TNS3: variants seen among roughly 807,000 people sequenced by gnomAD.
TNS3 encodes the protein tensin 3.
In TNS3, 45 loss-of-function variants were observed where a neutral mutation model predicts 140.9. That is an observed-to-expected ratio of 0.32 (90% CI 0.25 to 0.41). The LOEUF is 0.41. TNS3 is among the 10% of genes least tolerant of loss of function. TNS3 has a pLI of 1.00. For missense variants in TNS3, 1,716 were observed against 1,906.7 expected (o/e 0.90, Z 1.86); for synonymous variants, 815 against 788.4 (o/e 1.03, Z -0.56).
At position 47,437,267 on chromosome 7, in the gene TNS3, G is replaced by A; in HGVS notation, c.197C>T (p.Pro66Leu). The A allele has an allele frequency of 6.4e-7, 1 of 1,558,558 alleles. No individual in the cohort carries two copies. The highest frequency in any genetic ancestry group is 8.6e-7 in the Non-Finnish European group (1 of 1,159,240). The change falls in exon 7 of 31, where the codon CCA (proline) becomes CTA (leucine). Residue 66 changes from proline (P) to leucine (L), a missense_variant. Physicochemically the swap from Pro to Leu is moderately conservative, Grantham distance 98. This residue lies in a region of TNS3 where 337 missense variants were observed against 428.9 expected (regional missense o/e 0.79). Coordinates refer to ENST00000311160, the MANE Select transcript of TNS3 (RefSeq NM_022748.12). ...ATAAAGGGATGAACTCTGTACCTTT[G>A]GGTTAAGCTTCGTAAGGTCATATCT... The part of the protein sequence containing the change: ...EKRYDLTKLN[P>L]KIMDVGWPEL...
chr7:47,467,803 G>A (rs1040160869), intron 4 of TNS3, among the ~76,000 whole-genome samples: 1 of 152,198 alleles, frequency 6.6e-6, no homozygotes, highest in African/African-American at 2.4e-5. Context: ...ATGTATAACA[G>A]GAGGGGCCTG....
At chr7:47,518,288 C>G (rs1399807076) in intron 2 of TNS3, among the ~76,000 whole-genome samples, 1 of 152,144 alleles carries the variant, frequency 6.6e-6, no homozygotes, top group Non-Finnish European at 1.5e-5. Flanking sequence ...CCGTGTGGCA[C>G]AGGTAGGATT....
At chr7:47,361,526 T>C in intron 17 of TNS3, among the ~76,000 whole-genome samples, 1 of 152,214 alleles carries the variant, frequency 6.6e-6, no homozygotes, top group East Asian at 1.9e-4. Flanking sequence ...TGTCTCCACT[T>C]TGTGAGGCTG....
chr7:47,433,771 A>G (rs1795036843), intron 8 of TNS3, among the ~76,000 whole-genome samples: 1 of 152,240 alleles, frequency 6.6e-6, no homozygotes, highest in Non-Finnish European at 1.5e-5. Context: ...ATCCTGGGCA[A>G]TGATGATCCA....
chr7:47,379,331 A>G (rs1408777830), intron 16 of TNS3, among the ~76,000 whole-genome samples: 1 of 152,212 alleles, frequency 6.6e-6, no homozygotes, highest in East Asian at 1.9e-4. Context: ...CCATGTGGAC[A>G]TTTATAATTA....
chr7:47,475,046 G>A (rs1484036325), intron 4 of TNS3, among the ~76,000 whole-genome samples: 1 of 148,292 alleles, frequency 6.7e-6, no homozygotes, highest in Admixed American at 6.7e-5. Context: ...ACAGACAACA[G>A]ACAACTCACA....
chr7:47,325,912 G>A (rs960295518), intron 20 of TNS3, among the ~76,000 whole-genome samples: 2 of 152,166 alleles, frequency 1.3e-5, no homozygotes, highest in African/African-American at 4.8e-5. Context: ...GTCAAAGTGC[G>A]CAGCAGTTAG....
chr7:47,304,758 T>A (rs982474357), intron 21 of TNS3, 74 bp downstream of exon 21: 3 of 1,297,790 alleles, frequency 2.3e-6, no homozygotes, highest in Non-Finnish European at 9.9e-7. Context: ...AAGCCCCCGC[T>A]GGTCCCACAT....
intron 17 of TNS3, among the ~76,000 whole-genome samples, chr7:47,363,311 C>T (rs1298190848): frequency 6.6e-6 from 1 of 150,422 alleles, no homozygotes; most frequent in African/African-American, 2.4e-5. Context: ...ATCATCATCA[C>T]CATCACCATC....
intron 24 of TNS3, among the ~76,000 whole-genome samples, chr7:47,295,026 C>G (rs937363827): frequency 6.6e-6 from 1 of 152,102 alleles, no homozygotes; most frequent in African/African-American, 2.4e-5. Flanking sequence ...CTCTTTATGA[C>G]CTGGTAAACT....
At chr7:47,370,716 G>A (rs561540016) in intron 16 of TNS3, among the ~76,000 whole-genome samples, 81 of 152,288 alleles carry the variant, frequency 5.3e-4, no homozygotes, top group African/African-American at 1.9e-3. Context: ...CTACTTCCTC[G>A]ACTGTGAAAT....
chr7:47,275,839 T>G lies in TNS3; in HGVS notation c.*2237A>C. On this transcript the variant is annotated 3_prime_UTR_variant, in exon 31 of 31. Transcript: ENST00000311160. ...CGTTTGCAGGGCTTCCTGAATGCCGTCGAGGCATGGCTTCATGAGGGCCAT... is the reference window on the plus strand; with the variant it reads ...CGTTTGCAGGGCTTCCTGAATGCCGGCGAGGCATGGCTTCATGAGGGCCAT... The G allele has an allele frequency of 2.2e-6, 1 of 456,038 alleles. No homozygotes were observed. The highest frequency in any genetic ancestry group is 1.5e-5 in the South Asian group (1 of 64,554). 28.2% of individuals were successfully genotyped at this position (456,038 alleles called of 1,614,324 possible). A position where few individuals can be genotyped will look rare whatever the true frequency, so the allele number is the denominator to read the frequency against.
intron 3 of TNS3, among the ~76,000 whole-genome samples, chr7:47,483,025 C>G (rs1797479484): frequency 6.6e-6 from 1 of 152,296 alleles, no homozygotes; most frequent in South Asian, 2.1e-4. Flanking sequence ...TCTAAACCCA[C>G]AGAATGTACA....
At chr7:47,434,788 A>T (rs1369330692) in intron 8 of TNS3, among the ~76,000 whole-genome samples, 1 of 152,216 alleles carries the variant, frequency 6.6e-6, no homozygotes, top group African/African-American at 2.4e-5. Context: ...CTCTGTGAAG[A>T]TGTACAGGCC....
At chr7:47,545,767 C>A (rs1799904067) in intron 1 of TNS3, among the ~76,000 whole-genome samples, 1 of 152,194 alleles carries the variant, frequency 6.6e-6, no homozygotes, top group Admixed American at 6.5e-5. Context: ...ACCACTGGAC[C>A]ACATCTGGAA....
At position 47,299,216 on chromosome 7, in the gene TNS3, C is replaced by A. The variant is rs532774066; in HGVS notation, c.3545-2003G>T. ...ACAGTGACACAATCATAGCTCACTG[C>A]AGCCTCAACCTGCTGGGCCCAAGTG... On this transcript the variant is annotated intron_variant, in intron 23 of 30. Coordinates refer to ENST00000311160, the MANE Select transcript of TNS3 (RefSeq NM_022748.12). 1.1e-3 allele frequency among the ~76,000 whole-genome samples: 174 copies of A among 152,324 alleles called. 1 individual carries two copies. Among genetic ancestry groups the A allele is most frequent in the African/African-American group, 3.9e-3 (164 of 41,572 alleles).
intron 6 of TNS3, among the ~76,000 whole-genome samples, chr7:47,437,941 G>T (rs1056853946): frequency 6.6e-6 from 1 of 151,092 alleles, no homozygotes; most frequent in East Asian, 1.9e-4. Flanking sequence ...GCCTGGAAAG[G>T]GCTGAGTTCA....
Position 47,542,165 on chromosome 7 carries a change from T to A in TNS3, c.-264-13018A>T, listed in dbSNP as rs1435229150. Among the ~76,000 whole-genome samples the A allele has an allele frequency of 2.0e-5, 3 of 152,020 alleles. No individual in the cohort carries two copies. The East Asian group carries it at 5.8e-4, about 29-fold the overall frequency. ...TCTAAATACTTTCCTTTATTTACTA[T>A]AAAAGGGAAAAGAGTAAGTCAACAA... On this transcript the variant is annotated intron_variant, in intron 1 of 30. Transcript: ENST00000311160.
intron 20 of TNS3, among the ~76,000 whole-genome samples, chr7:47,318,495 G>A (rs776667222): frequency 8.5e-5 from 13 of 152,214 alleles, no homozygotes; most frequent in Admixed American, 6.5e-5. Context: ...TCCAGTGGGA[G>A]TGCAAACAGA....
Sources: allele counts gnomAD v4.1 joint callset (sites outside exome capture counted in the v4.1 genomes callset), GRCh38; gene constraint gnomAD v4.1.1; regional missense constraint gnomAD v4.1.1; transcripts MANE v1.5; gene names NCBI Gene and HGNC (gene_info 2026-07-23, HGNC 2026-07-21).